S100A5: variants seen among roughly 807,000 people sequenced by gnomAD.
The protein encoded by S100A5 is S100 calcium binding protein A5.
S100A5 carries 5 observed loss-of-function variants against 6.7 expected under a neutral mutation model. The observed-to-expected ratio is 0.75, with a 90% confidence interval of 0.39 to 1.57. The LOEUF is 1.57. Among genes scored for constraint, S100A5 ranks in the 40% most tolerant of loss-of-function variants. The pLI is 0.03. For synonymous variants in S100A5, 49 were observed against 44.9 expected (o/e 1.09, Z -0.37); for missense variants, 129 against 110.8 (o/e 1.16, Z -0.74).
At chr1:153,543,343 G>T (rs1047020598), upstream of S100A5, 7 of 965,612 alleles carry the variant, frequency 7.2e-6, no homozygotes, top group Admixed American at 3.1e-4. Context: ...TTGGAGAGAG[G>T]TGGGAGGGGT....
intron 2 of S100A5, among the ~76,000 whole-genome samples, chr1:153,538,040 C>G (rs1023444353): frequency 6.6e-6 from 1 of 151,112 alleles, no homozygotes; most frequent in African/African-American, 2.4e-5. Context: ...GAATGAAACT[C>G]CTTCTCAAAA....
At chr1:153,537,661 A>T (rs1274353092) in intron 2 of S100A5, among the ~76,000 whole-genome samples, 1 of 152,168 alleles carries the variant, frequency 6.6e-6, no homozygotes, top group Non-Finnish European at 1.5e-5. Flanking sequence ...GAAATAAATG[A>T]CAGCAGGAAT....
chr1:153,542,395 G>T (rs1431811115), upstream of S100A5, among the ~76,000 whole-genome samples: 1 of 152,190 alleles, frequency 6.6e-6, no homozygotes, highest in Non-Finnish European at 1.5e-5. Context: ...AGGAGAGCGT[G>T]ACCTGGGTGG....
chr1:153,539,749 G>A (rs1415982583), intron 2 of S100A5, among the ~76,000 whole-genome samples: 1 of 151,920 alleles, frequency 6.6e-6, no homozygotes, highest in Non-Finnish European at 1.5e-5. Context: ...CACCACCCAT[G>A]ACCCCTAGCA....
Position 153,540,066 on chromosome 1 carries a change from C to T in S100A5, c.126G>A (p.Leu42=), listed in dbSNP as rs1045073828. The T allele has an allele frequency of 3.7e-6, 6 of 1,614,148 alleles. No individual in the cohort carries two copies. Among genetic ancestry groups the T allele is most frequent in the Non-Finnish European group, 5.1e-6 (6 of 1,180,016 alleles). Residue 42 remains leucine, a synonymous_variant, in exon 2 of 3, where the codon CTG becomes CTA. Coordinates refer to ENST00000368717, the MANE Select transcript of S100A5 (RefSeq NM_001394232.1). ...KELKELIKKE[L]CLGEMKESSI... The stretch of plus-strand genomic sequence containing the variant: ...AACAATCACCTACCTCCCCAAGACA[C>T]AGCTCTTTCTTGATCAGCTCCTTGA...
chr1:153,540,029 G>A (rs923076708), intron 2 of S100A5, 25 bp downstream of exon 2: 7 of 1,612,742 alleles, frequency 4.3e-6, no homozygotes, highest in Non-Finnish European at 5.9e-6. Context: ...ACTTTGGGGT[G>A]GAGGATGAGG....
chr1:153,541,826 C>G (rs1412563943), upstream of S100A5: 1 of 1,039,400 alleles, frequency 9.6e-7, no homozygotes, highest in Non-Finnish European at 1.2e-6. Flanking sequence ...CCCCTCCCAC[C>G]CATCCTGCCA....
chr1:153,540,238 A>C (rs1665342461), intron 1 of S100A5, 33 bp from the exon 2 acceptor site: 1 of 1,611,294 alleles, frequency 6.2e-7, no homozygotes, highest in African/African-American at 1.3e-5. Flanking sequence ...CCCATTCCTC[A>C]GGAAGTCACC....
chr1:153,538,377 G>A (rs183868203), intron 2 of S100A5, among the ~76,000 whole-genome samples: 135 of 152,294 alleles, frequency 8.9e-4, no homozygotes, highest in South Asian at 4.4e-3. Flanking sequence ...CATCATTGCC[G>A]TCAGCTACAG....
chr1:153,540,949 T>C (rs970846229), upstream of S100A5, among the ~76,000 whole-genome samples: 1 of 152,046 alleles, frequency 6.6e-6, no homozygotes, highest in Admixed American at 6.5e-5. Flanking sequence ...CTCAAGTGAC[T>C]CAGACTCAAA....
At chr1:153,541,850 T>A (rs7530120), upstream of S100A5, 1 of 1,028,008 alleles carries the variant, frequency 9.7e-7, no homozygotes, top group Non-Finnish European at 1.2e-6. Flanking sequence ...ACTCCAGGAG[T>A]AGAGAAGACA....
At chr1:153,538,091 T>C (rs755711760) in intron 2 of S100A5, among the ~76,000 whole-genome samples, 1 of 151,936 alleles carries the variant, frequency 6.6e-6, no homozygotes, top group Non-Finnish European at 1.5e-5. Context: ...GCATTGAGCA[T>C]TATCCAAGTC....
At chr1:153,538,046 CAA>C (rs57968564) in intron 2 of S100A5, among the ~76,000 whole-genome samples, 3 of 137,072 alleles carry the variant, frequency 2.2e-5, no homozygotes, top group Admixed American at 7.3e-5. Flanking sequence ...AACTCCTTCT[CAA>C]AAAAAAAAAA....
At chr1:153,538,024 C>A (rs1312748184) in intron 2 of S100A5, among the ~76,000 whole-genome samples, 1 of 150,334 alleles carries the variant, frequency 6.7e-6, no homozygotes. Flanking sequence ...CCAGCCTGGG[C>A]AACAAGAATG....
At chr1:153,537,627 G>A (rs1665228464) in intron 2 of S100A5, among the ~76,000 whole-genome samples, 191 bp from the exon 3 acceptor site, 1 of 152,242 alleles carries the variant, frequency 6.6e-6, no homozygotes, top group Admixed American at 6.5e-5. Context: ...TGAGGTAGGG[G>A]GTCAGGGACC....
At position 153,537,329 on chromosome 1, in the gene S100A5, G is replaced by T. The variant is rs927710297; in HGVS notation, c.246C>A (p.Ala82=). ...YSVFLTMLCM[A]YNDFFLEDNK Reference sequence around the variant, plus strand: ...TGTCCTCTAGAAAGAAGTCGTTGTAGGCCATGCACAGCATGGTCAGGAACA... The same window carrying T: ...TGTCCTCTAGAAAGAAGTCGTTGTATGCCATGCACAGCATGGTCAGGAACA... Residue 82 remains alanine, a synonymous_variant, in exon 3 of 3, where the codon GCC becomes GCA. Coordinates refer to ENST00000368717, the MANE Select transcript of S100A5 (RefSeq NM_001394232.1). 18 of 1,614,004 alleles carry T rather than the reference G, an allele frequency of 1.1e-5. No individual in the cohort carries two copies. Among genetic ancestry groups the T allele is most frequent in the East Asian group, 4.5e-5 (2 of 44,902 alleles).
chr1:153,543,592 C>T (rs182949612), upstream of S100A5: 124 of 744,958 alleles, frequency 1.7e-4, no homozygotes, highest in African/African-American at 1.9e-3. Context: ...CCAACCCACG[C>T]CCCCAGAGTC....
At chr1:153,541,279 TG>T, upstream of S100A5, 1 of 895,566 alleles carries the variant, frequency 1.1e-6, no homozygotes, top group Non-Finnish European at 1.7e-6. Context: ...TGCCCGCTTG[TG>T]GGGCCAGGCC....
upstream of S100A5, among the ~76,000 whole-genome samples, chr1:153,541,181 G>T (rs1386585173): frequency 2.0e-5 from 3 of 152,162 alleles, no homozygotes; most frequent in African/African-American, 7.2e-5. Flanking sequence ...ACCTGCAGGA[G>T]CATCCTGGCT....
Sources: allele counts gnomAD v4.1 joint callset (sites outside exome capture counted in the v4.1 genomes callset), GRCh38; gene constraint gnomAD v4.1.1; transcripts MANE v1.5; gene names NCBI Gene and HGNC (gene_info 2026-07-23, HGNC 2026-07-21).